The following KIAA1217 variants were observed in gnomAD, a reference collection of about 807,000 sequenced individuals.
KIAA1217 encodes KIAA1217.
KIAA1217 carries 88 observed loss-of-function variants against 163.9 expected under a neutral mutation model. That is an observed-to-expected ratio of 0.54 (90% CI 0.45 to 0.64). The LOEUF (loss-of-function observed/expected upper bound fraction) is 0.64. Among genes scored for constraint, KIAA1217 ranks in the 30% least tolerant of loss-of-function variants. KIAA1217 has a pLI of 0.00. For synonymous variants in KIAA1217, 903 were observed against 923.1 expected (o/e 0.98, Z 0.39); for missense variants, 2,372 against 2,475.0 (o/e 0.96, Z 0.88).
chr10:23,845,200 A>G (rs762321413), intron 1 of KIAA1217, among the ~76,000 whole-genome samples: 2 of 152,100 alleles, frequency 1.3e-5, no homozygotes, highest in African/African-American at 2.4e-5. Flanking sequence ...ATAAACATAC[A>G]TGTGCATGGT....
At chr10:24,105,821 A>G (rs549818271) in intron 2 of KIAA1217, among the ~76,000 whole-genome samples, 82 of 152,314 alleles carry the variant, frequency 5.4e-4, no homozygotes, top group African/African-American at 1.9e-3. Flanking sequence ...AGCTATGGCA[A>G]CCATCAATCC....
intron 2 of KIAA1217, among the ~76,000 whole-genome samples, chr10:24,244,569 T>C (rs1413517309): frequency 2.0e-5 from 3 of 146,342 alleles, no homozygotes; most frequent in African/African-American, 7.5e-5. Context: ...TTCTTTTTTT[T>C]TTTTTTTTTT....
intron 1 of KIAA1217, among the ~76,000 whole-genome samples, chr10:23,905,943 A>C (rs911490748): frequency 2.6e-5 from 4 of 152,116 alleles, no homozygotes; most frequent in Non-Finnish European, 5.9e-5. Flanking sequence ...ATTTTCTCAC[A>C]GTTCTGGAGG....
chr10:23,882,700 A>G (rs16924023), intron 1 of KIAA1217, among the ~76,000 whole-genome samples: 2,917 of 152,028 alleles, frequency 0.019, 92 homozygotes, highest in African/African-American at 0.064. Flanking sequence ...TCTTCTGGGA[A>G]TTACTCTCAG....
At chr10:24,480,685 A>G (rs1438478487) in intron 6 of KIAA1217, among the ~76,000 whole-genome samples, 1 of 152,194 alleles carries the variant, frequency 6.6e-6, no homozygotes, top group African/African-American at 2.4e-5. Flanking sequence ...GTGCTACTAA[A>G]GAGGAATGTA....
At chr10:24,028,156 GA>G (rs1222324928) in intron 2 of KIAA1217, among the ~76,000 whole-genome samples, 1 of 151,990 alleles carries the variant, frequency 6.6e-6, no homozygotes, top group Non-Finnish European at 1.5e-5. Flanking sequence ...AAGAAACCCA[GA>G]AAAGAGTCCC....
At chr10:24,382,222 G>A (rs1052378544) in intron 3 of KIAA1217, among the ~76,000 whole-genome samples, 15 of 152,016 alleles carry the variant, frequency 9.9e-5, no homozygotes, top group Admixed American at 3.9e-4. Context: ...GGGATAAGAG[G>A]GGACAGGAAA....
At chr10:23,901,919 A>G (rs1183442152) in intron 1 of KIAA1217, among the ~76,000 whole-genome samples, 1 of 151,618 alleles carries the variant, frequency 6.6e-6, no homozygotes, top group Non-Finnish European at 1.5e-5. Context: ...ATCTCAAAAA[A>G]AAAAAAAAAA....
intron 1 of KIAA1217, among the ~76,000 whole-genome samples, chr10:23,927,217 C>A (rs1232298732): frequency 6.6e-6 from 1 of 152,018 alleles, no homozygotes; most frequent in East Asian, 1.9e-4. Flanking sequence ...CCCAAAGTGC[C>A]TGGTCTATCT....
intron 2 of KIAA1217, among the ~76,000 whole-genome samples, chr10:24,241,138 C>T (rs1352401741): frequency 6.6e-6 from 1 of 152,208 alleles, no homozygotes; most frequent in Non-Finnish European, 1.5e-5. Context: ...TGAGCCACTG[C>T]ACCCGGCCTT....
chr10:24,309,343 C>T (rs576393603), intron 2 of KIAA1217, among the ~76,000 whole-genome samples: 3,788 of 65,084 alleles, frequency 0.058, 157 homozygotes, highest in African/African-American at 0.24. Context: ...CGCGCGCACG[C>T]GCGCGCGCAC....
intron 1 of KIAA1217, among the ~76,000 whole-genome samples, chr10:23,821,193 AC>A (rs1837608218): frequency 6.6e-6 from 1 of 151,908 alleles, no homozygotes; most frequent in Non-Finnish European, 1.5e-5. Flanking sequence ...CAATGTGTTT[AC>A]CTGCATGTAT....
At chr10:23,823,654 C>A (rs1363870606) in intron 1 of KIAA1217, among the ~76,000 whole-genome samples, 1 of 152,086 alleles carries the variant, frequency 6.6e-6, no homozygotes, top group Non-Finnish European at 1.5e-5. Flanking sequence ...TACCAAGATG[C>A]CTTTTCGTAG....
intron 10 of KIAA1217, among the ~76,000 whole-genome samples, chr10:24,518,109 C>CT (rs2070490038): frequency 6.6e-6 from 1 of 152,266 alleles, no homozygotes; most frequent in African/African-American, 2.4e-5. Flanking sequence ...CTGCATGCTT[C>CT]TTTTTAACAA....
At chr10:24,195,571 T>C (rs1564814950) in intron 2 of KIAA1217, among the ~76,000 whole-genome samples, 1 of 151,904 alleles carries the variant, frequency 6.6e-6, no homozygotes, top group Non-Finnish European at 1.5e-5. Flanking sequence ...CAGAGGGAGG[T>C]TGGAATCAGA....
intron 3 of KIAA1217, among the ~76,000 whole-genome samples, chr10:24,421,826 G>T (rs1042872886): frequency 6.6e-6 from 1 of 152,056 alleles, no homozygotes; most frequent in African/African-American, 2.4e-5. Context: ...AATTATTTTG[G>T]ATCATGATGT....
At chr10:24,035,162 T>C (rs769571198) in intron 2 of KIAA1217, among the ~76,000 whole-genome samples, 6 of 152,194 alleles carry the variant, frequency 3.9e-5, no homozygotes, top group Non-Finnish European at 8.8e-5. Context: ...GGTGAGTTTC[T>C]GGGCCTCTGA....
At chr10:23,850,031 T>A (rs1839233792) in intron 1 of KIAA1217, among the ~76,000 whole-genome samples, 1 of 152,088 alleles carries the variant, frequency 6.6e-6, no homozygotes, top group Non-Finnish European at 1.5e-5. Context: ...GGAGGCTATT[T>A]TTAAACACAA....
At chr10:23,910,365 T>C (rs747442194) in intron 1 of KIAA1217, among the ~76,000 whole-genome samples, 23 of 151,626 alleles carry the variant, frequency 1.5e-4, no homozygotes, top group Non-Finnish European at 1.5e-4. Context: ...TCAAGTAAAA[T>C]GGCCTTCTGA....
Sources: allele counts gnomAD v4.1 joint callset (sites outside exome capture counted in the v4.1 genomes callset), GRCh38; gene constraint gnomAD v4.1.1; transcripts MANE v1.5; gene names NCBI Gene and HGNC (gene_info 2026-07-23, HGNC 2026-07-21).